The following GAPDHS variants were observed in gnomAD, a reference collection of about 807,000 sequenced individuals.
GAPDHS encodes the protein glyceraldehyde-3-phosphate dehydrogenase, spermatogenic.
In GAPDHS, 42 loss-of-function variants were observed where a neutral mutation model predicts 48.7. That is an observed-to-expected ratio of 0.86 (90% CI 0.67 to 1.12). The LOEUF (loss-of-function observed/expected upper bound fraction) is 1.12. Among genes scored for constraint, GAPDHS ranks in the 50% most tolerant of loss-of-function variants. The pLI, the probability that GAPDHS is intolerant of heterozygous loss-of-function variation, is 0.00. For synonymous variants in GAPDHS, 166 were observed against 219.1 expected (o/e 0.76, Z 2.14); for missense variants, 512 against 557.7 (o/e 0.92, Z 0.82).
At position 35,543,679 on chromosome 19, in the gene GAPDHS, T is replaced by C; in HGVS notation, c.908T>C (p.Met303Thr). The change falls in exon 9 of 11, where the codon ATG (methionine) becomes ACG (threonine). Residue 303 changes from methionine to threonine, a missense_variant. Coordinates refer to ENST00000222286, the MANE Select transcript of GAPDHS (RefSeq NM_014364.5). ...GGATTCTCCAGGAAGCTGACAGGGA[T>C]GGCGTTCCGGGTACCAACCCCGGAT... ...IPELKGKLTG[M>T]AFRVPTPDVS... The C allele has an allele frequency of 6.2e-7, 1 of 1,613,870 alleles. No individual in the cohort carries two copies. Among genetic ancestry groups the C allele is most frequent in the Non-Finnish European group, 8.5e-7 (1 of 1,179,868 alleles).
chr19:35,543,588 C>T (rs2071521380), intron 8 of GAPDHS, 77 bp from the exon 9 acceptor site: 1 of 1,580,844 alleles, frequency 6.3e-7, no homozygotes, highest in Admixed American at 1.8e-5. Flanking sequence ...AGGGGCCTGG[C>T]CCAGCCACAG....
In GAPDHS at chr19:35,533,583, A is replaced by G; in HGVS notation, c.56A>G (p.Gln19Arg). ...TNVTVVQLLR[Q>R]PCPVTRAPPP... ...GTCACCGTTGTCCAGTTGCTGCGAC[A>G]GCCGTGCCCGGGTGAGGGAGGCAGC... Residue 19 changes from glutamine to arginine, a missense_variant, in exon 1 of 11, where the codon CAG (glutamine) becomes CGG (arginine). Transcript: ENST00000222286. 1 of 1,612,256 alleles carries G rather than the reference A, an allele frequency of 6.2e-7. No homozygotes were observed. Among genetic ancestry groups the G allele is most frequent in the East Asian group, 2.2e-5 (1 of 44,876 alleles).
At position 35,538,650 on chromosome 19, in the gene GAPDHS, T is replaced by C. The variant is rs779960570; in HGVS notation, c.416T>C (p.Val139Ala). 2 of 1,609,478 alleles carry C rather than the reference T, an allele frequency of 1.2e-6. No homozygotes were observed. Among genetic ancestry groups the C allele is most frequent in the Non-Finnish European group, 8.5e-7 (1 of 1,175,744 alleles). The change falls in exon 4 of 11, where the codon GTC becomes GCC. Residue 139 changes from valine to alanine, a missense_variant. Coordinates refer to ENST00000222286, the MANE Select transcript of GAPDHS (RefSeq NM_014364.5). ...GTGGAATTCAGGAATGGACAACTGG[T>C]CGTGGACAACCATGAGATCTCTGTC... ...GSVEFRNGQL[V>A]VDNHEISVYQ... is the part of the protein sequence containing the mutation.
intron 1 of GAPDHS, among the ~76,000 whole-genome samples, chr19:35,535,502 A>G (rs1200056806): frequency 6.6e-6 from 1 of 151,676 alleles, no homozygotes; most frequent in African/African-American, 2.4e-5. Flanking sequence ...CTCCTGCTTC[A>G]GCCTCCTGAG....
chr19:35,534,189 G>A (rs1050257469), intron 1 of GAPDHS, among the ~76,000 whole-genome samples: 1 of 151,954 alleles, frequency 6.6e-6, no homozygotes, highest in Non-Finnish European at 1.5e-5. Context: ...GCGCCCGCGC[G>A]CGCGCACACA....
In GAPDHS at chr19:35,533,599, G is replaced by C. The variant is rs754214714; in HGVS notation, c.67+5G>C. The stretch of plus-strand genomic sequence containing the variant: ...TGCTGCGACAGCCGTGCCCGGGTGA[G>C]GGAGGCAGCGGAGGGCGCGGGGGAG... On this transcript the variant is annotated splice_donor_5th_base_variant and intron_variant, in intron 1 of 10. Transcript: ENST00000222286. The C allele has an allele frequency of 5.0e-6, 8 of 1,608,856 alleles. No individual in the cohort carries two copies. In the East Asian group the frequency reaches 6.7e-5, roughly 13 times the overall value.
chr19:35,534,942 C>T (rs554648027), intron 1 of GAPDHS, among the ~76,000 whole-genome samples: 7 of 152,112 alleles, frequency 4.6e-5, no homozygotes, highest in Non-Finnish European at 1.0e-4. Context: ...TTCTCCACCC[C>T]CTGCTGTCTC....
rs986411042 is a variant in GAPDHS, at chr19:35,543,687, C to T, written c.916C>T (p.Arg306Trp). The T allele has an allele frequency of 9.3e-6, 15 of 1,613,762 alleles. No individual in the cohort carries two copies. The highest frequency in any genetic ancestry group is 1.3e-5 in the African/African-American group (1 of 74,922). The change falls in exon 9 of 11, where the codon CGG becomes TGG. Residue 306 changes from arginine to tryptophan, a missense_variant. Transcript: ENST00000222286. The stretch of plus-strand genomic sequence containing the variant: ...CAGGAAGCTGACAGGGATGGCGTTC[C>T]GGGTACCAACCCCGGATGTGTCTGT... ...LKGKLTGMAF[R>W]VPTPDVSVVD...
rs757066531 is a variant in GAPDHS, at chr19:35,538,314, C to T, written c.253C>T (p.Arg85Cys). Residue 85 changes from arginine to cysteine, a missense_variant, in exon 3 of 11, where the codon CGC (arginine) becomes TGC (cysteine). By Grantham distance (180) the Arg-to-Cys change is radical. Transcript: ENST00000222286. ...CTGTCTGTCCCTGGCCAGATTTGGACGCATCGGTCGCCTGGTCCTGCGCGC... is the reference window on the plus strand; with the variant it reads ...CTGTCTGTCCCTGGCCAGATTTGGATGCATCGGTCGCCTGGTCCTGCGCGC... ...ELTVGINGFG[R>C]IGRLVLRACM... 2.9e-5 allele frequency: 47 copies of T among 1,611,956 alleles called. No homozygotes were observed. Among genetic ancestry groups the T allele is most frequent in the Non-Finnish European group, 3.4e-5 (40 of 1,178,496 alleles).
chr19:35,538,235 C>G (rs968297454), intron 2 of GAPDHS, 72 bp from the exon 3 acceptor site: 1 of 1,042,468 alleles, frequency 9.6e-7, no homozygotes, highest in African/African-American at 1.6e-5. Context: ...GGATTCCCAA[C>G]CAGGCTCCTT....
In GAPDHS at chr19:35,543,353, C is replaced by T; in HGVS notation, c.755C>T (p.Ser252Phe). 1.2e-6 allele frequency: 2 copies of T among 1,612,716 alleles called. No homozygotes were observed. Among genetic ancestry groups the T allele is most frequent in the Non-Finnish European group, 1.7e-6 (2 of 1,179,612 alleles). The change falls in exon 8 of 11, where the codon TCC becomes TTC. Residue 252 changes from serine (S) to phenylalanine (F), a missense_variant. Physicochemically the swap from Ser to Phe is radical, Grantham distance 155. Transcript: ENST00000222286. ...CTCTTCCCCAAGACCACAGTCCATT[C>T]CTACACGGCCACCCAGAAGACAGTG... The part of the protein sequence containing the change: ...IVEGLMTTVH[S>F]YTATQKTVDG...
intron 9 of GAPDHS, 192 bp downstream of exon 9, chr19:35,544,019 T>A (rs542027403): frequency 9.3e-7 from 1 of 1,073,444 alleles, no homozygotes; most frequent in East Asian, 2.8e-5. Context: ...GACCATACAG[T>A]CTGTCCTTAC....
At position 35,544,804 on chromosome 19, in the gene GAPDHS, T is replaced by A. The variant is rs534770428; in HGVS notation, c.1057-105T>A. On this transcript the variant is annotated intron_variant, in intron 9 of 10. Coordinates refer to ENST00000222286, the MANE Select transcript of GAPDHS (RefSeq NM_014364.5). ...GACACAGTAGGGCTACATCAAATAT[T>A]ATAGATGAATGCATGGATGGGCGAT... is the stretch of plus-strand genomic sequence containing the variant. The A allele has an allele frequency of 1.9e-4, 142 of 764,192 alleles. No homozygotes were observed. In the African/African-American group the frequency reaches 2.3e-3, roughly 12 times the overall value. The allele number at this position is 764,192 out of a possible 1,614,324, so 47.3% of individuals were successfully genotyped here.
At position 35,540,106 on chromosome 19, in the gene GAPDHS, G is replaced by A. The variant is rs187047707; in HGVS notation, c.449+1423G>A. 1.2e-3 allele frequency among the ~76,000 whole-genome samples: 182 copies of A among 152,352 alleles called. 1 individual carries two copies. The highest frequency in any genetic ancestry group is 3.1e-3 in the African/African-American group (127 of 41,594). ...AAACTTGCCTGAGCCTCAGTTCCCC[G>A]CTGTATCTGATGGGGATGATGAGCA... is the stretch of plus-strand genomic sequence containing the variant. On this transcript the variant is annotated intron_variant, in intron 4 of 10. Coordinates refer to ENST00000222286, the MANE Select transcript of GAPDHS (RefSeq NM_014364.5).
chr19:35,533,656 C>A, intron 1 of GAPDHS, 62 bp downstream of exon 1: 1 of 1,282,092 alleles, frequency 7.8e-7, no homozygotes, highest in South Asian at 1.3e-5. Context: ...GCGTCTGCAC[C>A]CTCACACCTG....
chr19:35,534,188 C>A (rs559076067), intron 1 of GAPDHS, among the ~76,000 whole-genome samples: 60 of 133,924 alleles, frequency 4.5e-4, no homozygotes, highest in East Asian at 2.0e-3. Context: ...CGCGCCCGCG[C>A]GCGCGCACAC....
chr19:35,543,195 C>A, intron 7 of GAPDHS, 145 bp from the exon 8 acceptor site: 1 of 1,086,034 alleles, frequency 9.2e-7, no homozygotes, highest in Non-Finnish European at 1.4e-6. Flanking sequence ...CAAGGCTGGA[C>A]CCTGGCCTGC....
chr19:35,542,440 T>TG (rs1168962226), intron 5 of GAPDHS, 31 bp downstream of exon 5: 11 of 1,602,544 alleles, frequency 6.9e-6, no homozygotes, highest in African/African-American at 6.7e-5. Context: ...CAGGGCTAGC[T>TG]GGGGGGATGA....
In GAPDHS at chr19:35,543,330, C is replaced by T; in HGVS notation, c.742-10C>T. 6.2e-7 allele frequency: 1 copy of T among 1,609,846 alleles called. No individual in the cohort carries two copies. The highest frequency in any genetic ancestry group is 8.5e-7 in the Non-Finnish European group (1 of 1,178,836). ...ATGAAGGCCTCATCTTGGTCCTTCTCTTCCCCAAGACCACAGTCCATTCCT... is the reference window on the plus strand; with the variant it reads ...ATGAAGGCCTCATCTTGGTCCTTCTTTTCCCCAAGACCACAGTCCATTCCT... On this transcript the variant is annotated splice_polypyrimidine_tract_variant and intron_variant, in intron 7 of 10. Coordinates refer to ENST00000222286, the MANE Select transcript of GAPDHS (RefSeq NM_014364.5).
Sources: allele counts gnomAD v4.1 joint callset (sites outside exome capture counted in the v4.1 genomes callset), GRCh38; gene constraint gnomAD v4.1.1; transcripts MANE v1.5; gene names NCBI Gene and HGNC (gene_info 2026-07-23, HGNC 2026-07-21).